The following PCNX4 variants were observed in gnomAD, a reference collection of about 807,000 sequenced individuals.
PCNX4 encodes pecanex-like protein 4.
In PCNX4, 103 loss-of-function variants were observed where a neutral mutation model predicts 107.2. The observed-to-expected ratio is 0.96, with a 90% CI of 0.82 to 1.13. The LOEUF is 1.13. Ranked by LOEUF, PCNX4 falls within the 50% of genes most tolerant of loss-of-function variation. PCNX4 has a pLI of 0.00. For synonymous variants in PCNX4, 541 were observed against 481.7 expected (o/e 1.12, Z -1.61); for missense variants, 1,528 against 1,379.4 (o/e 1.11, Z -1.71).
chr14:60,092,642 C>T (rs1228991803), intron 1 of PCNX4, among the ~76,000 whole-genome samples: 1 of 152,202 alleles, frequency 6.6e-6, no homozygotes, highest in African/African-American at 2.4e-5. Flanking sequence ...ACTACTTTAG[C>T]CTGTTGAATT....
intron 7 of PCNX4, among the ~76,000 whole-genome samples, chr14:60,120,340 C>G (rs1488559884): frequency 6.6e-6 from 1 of 152,158 alleles, no homozygotes; most frequent in South Asian, 2.1e-4. Flanking sequence ...CTGCCTAGGA[C>G]ATACCAATAC....
chr14:60,121,322 TGTA>T (rs1303733981), intron 8 of PCNX4, 23 bp downstream of exon 8: 1 of 1,599,136 alleles, frequency 6.3e-7, no homozygotes, highest in South Asian at 1.1e-5. Context: ...ATAAAACATC[TGTA>T]GTATTTTTAT....
In PCNX4 at chr14:60,118,425, C is replaced by T. The variant is rs1218051257; in HGVS notation, c.1675C>T (p.Arg559Ter). 19 of 1,613,318 alleles carry T rather than the reference C, an allele frequency of 1.2e-5. No homozygotes were observed. Among genetic ancestry groups the T allele is most frequent in the Non-Finnish European group, 1.5e-5 (18 of 1,179,642 alleles). The change falls in exon 7 of 11, where the codon CGA (arginine) becomes TGA (stop). Residue 559 changes from arginine to a stop codon, truncating the protein, a stop_gained. Coordinates refer to ENST00000406854, the MANE Select transcript of PCNX4 (RefSeq NM_001330177.2). LOFTEE classifies it high-confidence loss of function. ...LTSWTEKKQR[R>*]KTTATLCILN... Reference sequence around the variant, plus strand: ...ATCATGGACAGAGAAAAAACAACGTCGAAAAACAACTGCCACTTTATGTAT... The same window carrying T: ...ATCATGGACAGAGAAAAAACAACGTTGAAAAACAACTGCCACTTTATGTAT...
intron 10 of PCNX4, among the ~76,000 whole-genome samples, chr14:60,126,600 C>T (rs1412047750): frequency 6.6e-6 from 1 of 152,156 alleles, no homozygotes; most frequent in Non-Finnish European, 1.5e-5. Context: ...AAGATGGAAT[C>T]TCCCCTCAGA....
chr14:60,114,630 C>T, intron 2 of PCNX4, 70 bp from the exon 3 acceptor site: 7 of 1,316,326 alleles, frequency 5.3e-6, no homozygotes, highest in South Asian at 3.1e-5. Context: ...TTCTGTGTTG[C>T]TTTGCTTTTT....
In PCNX4 at chr14:60,132,445, G is replaced by A. The variant is rs1896171426; in HGVS notation, c.3268-1525G>A. Among the ~76,000 whole-genome samples, 4 of 151,498 alleles carry A rather than the reference G, an allele frequency of 2.6e-5. No individual in the cohort carries two copies. In the South Asian group the frequency reaches 6.2e-4, roughly 24 times the overall value. On this transcript the variant is annotated intron_variant, in intron 10 of 10. Transcript: ENST00000406854. ...CCACTACAGACCTTACTTTATATAC[G>A]GTATTTTTAAAATAACTCAAAAATA...
At chr14:60,108,431 A>G (rs530320787) in intron 2 of PCNX4, 104 bp downstream of exon 2, 4 of 842,366 alleles carry the variant, frequency 4.7e-6, no homozygotes, top group East Asian at 5.0e-5. Flanking sequence ...TGGATTAAAA[A>G]TCATCAAACC....
intron 1 of PCNX4, among the ~76,000 whole-genome samples, chr14:60,104,829 A>T (rs1431784011): frequency 6.6e-6 from 1 of 152,190 alleles, no homozygotes; most frequent in Non-Finnish European, 1.5e-5. Context: ...TATGGGAGCT[A>T]CAATTCAAGA....
chr14:60,100,044 G>A (rs550860325), intron 1 of PCNX4, among the ~76,000 whole-genome samples: 8 of 152,232 alleles, frequency 5.3e-5, no homozygotes, highest in African/African-American at 1.7e-4. Context: ...CAGCCTGGGT[G>A]ACAGACTGAG....
intron 10 of PCNX4, among the ~76,000 whole-genome samples, chr14:60,131,117 C>G (rs981811104): frequency 6.6e-6 from 1 of 152,116 alleles, no homozygotes; most frequent in Non-Finnish European, 1.5e-5. Flanking sequence ...GAAACCACCC[C>G]GATCTTGGAC....
At chr14:60,096,906 A>G (rs1040967476) in intron 1 of PCNX4, among the ~76,000 whole-genome samples, 12 of 152,258 alleles carry the variant, frequency 7.9e-5, no homozygotes, top group Non-Finnish European at 1.3e-4. Context: ...AGCCAAGTAT[A>G]GTAAAGCAAA....
At chr14:60,115,893 A>C (rs1895838703) in intron 5 of PCNX4, 48 bp from the exon 6 acceptor site, 1 of 1,590,350 alleles carries the variant, frequency 6.3e-7, no homozygotes, top group Admixed American at 1.8e-5. Context: ...TAGTTTGCTT[A>C]GATTATCTAA....
rs1361281159 is a variant in PCNX4, at chr14:60,143,298, T to G, written c.*9077T>G. On this transcript the variant is annotated 3_prime_UTR_variant, in exon 11 of 11. Coordinates refer to ENST00000406854, the MANE Select transcript of PCNX4 (RefSeq NM_001330177.2). ...ATAGTCTGTACCAGGCCACATGACA[T>G]ATGTTATTTTGTGGCATTCTAGAAT... is the stretch of plus-strand genomic sequence containing the variant. 6.6e-6 allele frequency: 1 copy of G among 152,224 alleles called. No individual in the cohort carries two copies. The highest frequency in any genetic ancestry group is 1.5e-5 in the Non-Finnish European group (1 of 68,032). The allele number at this position is 152,224 out of a possible 1,614,324, so 9.4% of individuals were successfully genotyped here. A position where few individuals can be genotyped will look rare whatever the true frequency, so the allele number is the denominator to read the frequency against.
chr14:60,130,363 A>C (rs1182251418), intron 10 of PCNX4, among the ~76,000 whole-genome samples: 1 of 151,334 alleles, frequency 6.6e-6, no homozygotes, highest in Non-Finnish European at 1.5e-5. Context: ...ATCTCGGTAG[A>C]TATAAAAAAA....
In PCNX4 at chr14:60,148,096, G is replaced by T. The variant is rs1896452249; in HGVS notation, c.*13875G>T. 1 of 152,198 alleles carries T rather than the reference G, an allele frequency of 6.6e-6. No homozygotes were observed. The highest frequency in any genetic ancestry group is 1.5e-5 in the Non-Finnish European group (1 of 68,056). The allele number at this position is 152,198 out of a possible 1,614,324, so 9.4% of individuals were successfully genotyped here. On this transcript the variant is annotated 3_prime_UTR_variant, in exon 11 of 11. Coordinates refer to ENST00000406854, the MANE Select transcript of PCNX4 (RefSeq NM_001330177.2). This position sits in a 1 kb window ranked among gnomAD's most constrained non-coding sequence, Gnocchi z 4.8. ...GATTTTTCACACTCTGGACATTTTA[G>T]TGTGTCATGACCCAGTCTGATAACC...
Position 60,115,028 on chromosome 14 carries a change from T to G in PCNX4, c.924T>G (p.Ile308Met), listed in dbSNP as rs1457027260. ...GAACAGCTATAGCATCATATTTCAT[T>G]CCAAGCACTGTTGGTGTGGTTCTTT... ...SAGTAIASYF[I>M]PSTVGVVLFM... Residue 308 changes from isoleucine (I) to methionine (M), a missense_variant, in exon 4 of 11, where the codon ATT becomes ATG. Ile to Met is a conservative substitution (Grantham distance 10). Coordinates refer to ENST00000406854, the MANE Select transcript of PCNX4 (RefSeq NM_001330177.2). The G allele has an allele frequency of 3.1e-6, 5 of 1,613,222 alleles. No individual in the cohort carries two copies. Among genetic ancestry groups the G allele is most frequent in the Non-Finnish European group, 4.2e-6 (5 of 1,179,314 alleles).
chr14:60,093,052 T>TC (rs1011962636), intron 1 of PCNX4, among the ~76,000 whole-genome samples: 8 of 152,198 alleles, frequency 5.3e-5, no homozygotes, highest in Non-Finnish European at 1.2e-4. Context: ...TCACGCCAAA[T>TC]CCCCAGACCT....
chr14:60,123,791 A>G (rs908099198), intron 8 of PCNX4, among the ~76,000 whole-genome samples: 1 of 152,174 alleles, frequency 6.6e-6, no homozygotes, highest in Non-Finnish European at 1.5e-5. Context: ...CATACACTGA[A>G]TAATGCTATT....
At chr14:60,095,204 T>A (rs1344845516) in intron 1 of PCNX4, among the ~76,000 whole-genome samples, 2 of 152,144 alleles carry the variant, frequency 1.3e-5, no homozygotes, top group Non-Finnish European at 2.9e-5. Flanking sequence ...AAGAGGTGGG[T>A]AGGGGCAAAT....
Sources: allele counts gnomAD v4.1 joint callset (sites outside exome capture counted in the v4.1 genomes callset), GRCh38; gene constraint gnomAD v4.1.1; non-coding constraint Gnocchi (gnomAD v3.1); transcripts MANE v1.5; gene names NCBI Gene and HGNC (gene_info 2026-07-23, HGNC 2026-07-21).